PSIP1: variants seen among roughly 807,000 people sequenced by gnomAD.
The protein encoded by PSIP1 is PC4 and SRSF1 interacting protein 1.
PSIP1 carries 19 observed loss-of-function variants against 74.7 expected under a neutral mutation model. The observed-to-expected ratio is 0.25, with a 90% CI of 0.18 to 0.37. PSIP1 has a LOEUF of 0.37. Ranked by LOEUF, PSIP1 falls within the 10% of genes least tolerant of loss-of-function variation. The probability of loss-of-function intolerance (pLI) is 1.00; values close to 1 mark genes in which losing one functional copy is unlikely to be tolerated. For missense variants in PSIP1, 601 were observed against 614.3 expected, an observed-to-expected ratio of 0.98 and a Z score of 0.23; for synonymous variants, 222 against 195.3, an observed-to-expected ratio of 1.14 and a Z score of -1.14.
At chr9:15,510,074 A>ATCC in intron 2 of PSIP1, 43 bp downstream of exon 2, 1 of 1,553,084 alleles carries the variant, frequency 6.4e-7, no homozygotes, top group Middle Eastern at 1.7e-4. Flanking sequence ...GCCTCTGGAG[A>ATCC]GGAGGGTAGC....
At position 15,493,660 on chromosome 9, in the gene PSIP1, A is replaced by C. The variant is rs148277561; in HGVS notation, c.150-3536T>G. Among the ~76,000 whole-genome samples the C allele has an allele frequency of 1.4e-3, 219 of 152,306 alleles. 1 individual carries two copies. The highest frequency in any genetic ancestry group is 4.3e-3 in the African/African-American group (180 of 41,574). ...CCGCATGGCTGGGGAGGCCTCAGGA[A>C]ACTTACAATCACGGCAGAAGGTACC... is the stretch of plus-strand genomic sequence containing the variant. On this transcript the variant is annotated intron_variant, in intron 3 of 15. Coordinates refer to ENST00000380733, the MANE Select transcript of PSIP1 (RefSeq NM_033222.5).
chr9:15,490,597 C>T (rs538000240), intron 3 of PSIP1, among the ~76,000 whole-genome samples: 12 of 147,778 alleles, frequency 8.1e-5, no homozygotes, highest in African/African-American at 2.3e-4. Flanking sequence ...GCAGGAGAAT[C>T]GCTTGAACCC....
intron 8 of PSIP1, among the ~76,000 whole-genome samples, chr9:15,475,997 T>A (rs945234912): frequency 8.5e-5 from 13 of 152,184 alleles, no homozygotes; most frequent in African/African-American, 2.4e-4. Context: ...TGGGCTCTAT[T>A]CTACTGTTGT....
At chr9:15,469,531 C>G (rs2035751550) in intron 11 of PSIP1, among the ~76,000 whole-genome samples, 195 bp from the exon 12 acceptor site, 1 of 152,030 alleles carries the variant, frequency 6.6e-6, no homozygotes, top group East Asian at 1.9e-4. Flanking sequence ...TTGAGAAAAG[C>G]AACATGCAGT....
At chr9:15,499,652 A>T (rs116504191) in intron 3 of PSIP1, among the ~76,000 whole-genome samples, 1,530 of 152,162 alleles carry the variant, frequency 0.01, 20 homozygotes, top group African/African-American at 0.035. Context: ...GGTGGGAGGA[A>T]CATTTGAGCC....
chr9:15,505,165 G>A (rs905089743), intron 3 of PSIP1: 10 of 152,006 alleles, frequency 6.6e-5, no homozygotes, highest in African/African-American at 2.2e-4. Flanking sequence ...TCCAACTCCT[G>A]AACTCAAGTG....
chr9:15,467,252 T>A (rs1464416716), intron 14 of PSIP1, among the ~76,000 whole-genome samples: 1 of 152,204 alleles, frequency 6.6e-6, no homozygotes, highest in East Asian at 1.9e-4. Context: ...AATTTTAAAA[T>A]TTACTATTTT....
intron 3 of PSIP1, among the ~76,000 whole-genome samples, chr9:15,495,760 A>C (rs1210857936): frequency 1.3e-5 from 2 of 152,180 alleles, no homozygotes; most frequent in South Asian, 4.1e-4. Context: ...TATCACTTCT[A>C]TTAATAGGAT....
Position 15,465,567 on chromosome 9 carries a change from C to G in PSIP1, c.1546G>C (p.Glu516Gln), listed in dbSNP as rs768464354. The change falls in exon 16 of 16, where the codon GAG (glutamate) becomes CAG (glutamine). Residue 516 changes from glutamate to glutamine, a missense_variant. This residue lies in a region of PSIP1 where 538 missense variants were observed against 507.6 expected (regional missense o/e 1.06). Transcript: ENST00000380733. ...ASTKKKPSSE[E>Q]RETEISLKDS... The stretch of plus-strand genomic sequence containing the variant: ...TTCAGAGATATTTCAGTCTCTCTCT[C>G]TTCACTGGATGGCCTGAAGAAAAGG... 4.6e-5 allele frequency: 73 copies of G among 1,585,342 alleles called. No homozygotes were observed. Among genetic ancestry groups the G allele is most frequent in the Non-Finnish European group, 6.0e-5 (69 of 1,157,656 alleles).
At chr9:15,465,891 A>C (rs917902986) in intron 15 of PSIP1, 5 of 261,978 alleles carry the variant, frequency 1.9e-5, no homozygotes, top group Non-Finnish European at 2.9e-5. Context: ...GAACATGAGA[A>C]TGTTTTATAT....
At chr9:15,474,973 G>C (rs2036012195) in intron 8 of PSIP1, among the ~76,000 whole-genome samples, 1 of 152,150 alleles carries the variant, frequency 6.6e-6, no homozygotes, top group African/African-American at 2.4e-5. Context: ...GAATTTGAGA[G>C]CTTGAAGAGA....
In PSIP1 at chr9:15,465,417, C is replaced by T; in HGVS notation, c.*103G>A. ...TTTCTCCCTCAAAACAAGTTTTCAA[C>T]ATCAAACCTATGCTTATAAAAATTT... On this transcript the variant is annotated 3_prime_UTR_variant, in exon 16 of 16. Coordinates refer to ENST00000380733, the MANE Select transcript of PSIP1 (RefSeq NM_033222.5). The T allele has an allele frequency of 2.9e-6, 3 of 1,050,972 alleles. No homozygotes were observed. Among genetic ancestry groups the T allele is most frequent in the Non-Finnish European group, 4.2e-6 (3 of 711,486 alleles). 65.1% of individuals were successfully genotyped at this position (1,050,972 alleles called of 1,614,324 possible). A position where few individuals can be genotyped will look rare whatever the true frequency, so the allele number is the denominator to read the frequency against.
intron 3 of PSIP1, among the ~76,000 whole-genome samples, chr9:15,494,245 A>G (rs2036968840): frequency 6.6e-6 from 1 of 152,224 alleles, no homozygotes. Context: ...GCTCTAAAAT[A>G]AAATTTCAAT....
chr9:15,478,406 G>T, intron 8 of PSIP1, 71 bp downstream of exon 8: 1 of 1,081,474 alleles, frequency 9.2e-7, no homozygotes, highest in South Asian at 1.6e-5. Context: ...TGATAAAATC[G>T]CAGAGATATG....
intron 3 of PSIP1, among the ~76,000 whole-genome samples, chr9:15,498,518 C>G (rs1244697080): frequency 6.6e-6 from 1 of 151,754 alleles, no homozygotes; most frequent in African/African-American, 2.4e-5. Context: ...AAAAAAAAAT[C>G]TTCCTTGGGC....
At chr9:15,500,595 A>G (rs1012943578) in intron 3 of PSIP1, among the ~76,000 whole-genome samples, 22 of 152,164 alleles carry the variant, frequency 1.4e-4, no homozygotes, top group African/African-American at 5.3e-4. Flanking sequence ...AGTGTAGAAG[A>G]AAAAAATCCT....
intron 14 of PSIP1, among the ~76,000 whole-genome samples, chr9:15,468,067 G>A (rs1031634604): frequency 1.3e-5 from 2 of 150,366 alleles, no homozygotes; most frequent in Non-Finnish European, 2.9e-5. Flanking sequence ...GTTGTGGTGA[G>A]CCGAGATCAC....
intron 2 of PSIP1, among the ~76,000 whole-genome samples, chr9:15,508,526 G>C (rs2037704719): frequency 6.6e-6 from 1 of 152,192 alleles, no homozygotes. Context: ...AGCGTGGGGA[G>C]GGTGATTTGG....
chr9:15,476,507 A>G (rs769444236), intron 8 of PSIP1, among the ~76,000 whole-genome samples: 2 of 152,170 alleles, frequency 1.3e-5, no homozygotes, highest in African/African-American at 2.4e-5. Flanking sequence ...AGATTAGCCT[A>G]TTTTCAAGTG....
Sources: allele counts gnomAD v4.1 joint callset (sites outside exome capture counted in the v4.1 genomes callset), GRCh38; gene constraint gnomAD v4.1.1; regional missense constraint gnomAD v4.1.1; transcripts MANE v1.5; gene names NCBI Gene and HGNC (gene_info 2026-07-23, HGNC 2026-07-21).